NCOA2: variants seen among roughly 807,000 people sequenced by gnomAD.
The protein encoded by NCOA2 is nuclear receptor coactivator 2, also known as class E basic helix-loop-helix protein 75.
NCOA2 carries 21 observed loss-of-function variants against 145.1 expected under a neutral mutation model. That is an observed-to-expected ratio of 0.14 (90% CI 0.10 to 0.21). The LOEUF (loss-of-function observed/expected upper bound fraction) is 0.21, where lower values mean the gene tolerates loss of function less well. NCOA2 is among the 10% of genes least tolerant of loss of function. The pLI is 1.00. For missense variants in NCOA2, 1,472 were observed against 1,837.6 expected, an observed-to-expected ratio of 0.80 and a Z score of 3.64; for synonymous variants, 619 against 637.5, an observed-to-expected ratio of 0.97 and a Z score of 0.44.
chr8:70,203,314 T>C (rs962707192), intron 4 of NCOA2, among the ~76,000 whole-genome samples: 1 of 151,584 alleles, frequency 6.6e-6, no homozygotes, highest in African/African-American at 2.4e-5. Flanking sequence ...AATTTATTAC[T>C]GTATAATCCA....
At chr8:70,253,964 G>A (rs961068991) in intron 2 of NCOA2, among the ~76,000 whole-genome samples, 9 of 152,056 alleles carry the variant, frequency 5.9e-5, no homozygotes, top group African/African-American at 1.7e-4. Context: ...GCAACCCATG[G>A]ACAGGCAAAA....
intron 13 of NCOA2, 87 bp from the exon 14 acceptor site, chr8:70,141,486 A>T (rs891300992): frequency 9.0e-6 from 11 of 1,221,784 alleles, no homozygotes; most frequent in Non-Finnish European, 1.3e-5. Context: ...TACCCTACAA[A>T]ACAATCATTC....
At chr8:70,176,291 T>C (rs1814841271) in intron 4 of NCOA2, among the ~76,000 whole-genome samples, 1 of 152,212 alleles carries the variant, frequency 6.6e-6, no homozygotes, top group African/African-American at 2.4e-5. Flanking sequence ...CTCTAATATA[T>C]TCCTGATTCA....
intron 4 of NCOA2, among the ~76,000 whole-genome samples, chr8:70,199,925 T>C (rs770015216): frequency 1.3e-5 from 2 of 152,228 alleles, no homozygotes; most frequent in South Asian, 2.1e-4. Flanking sequence ...GGGTTCTGCA[T>C]TGGTGGATTC....
At chr8:70,355,989 C>A (rs952539674) in intron 1 of NCOA2, among the ~76,000 whole-genome samples, 1 of 152,116 alleles carries the variant, frequency 6.6e-6, no homozygotes, top group African/African-American at 2.4e-5. Flanking sequence ...TGGTTATCTC[C>A]AGTAGAAGTA....
chr8:70,410,149 G>A, the NCOA2 span, among the ~76,000 whole-genome samples: 1 of 152,140 alleles, frequency 6.6e-6, no homozygotes, highest in Non-Finnish European at 1.5e-5. Context: ...GGCAGAGGTT[G>A]CAGTGAGATG....
chr8:70,175,672 C>T (rs1008364224), intron 4 of NCOA2, among the ~76,000 whole-genome samples: 4 of 152,098 alleles, frequency 2.6e-5, no homozygotes, highest in Non-Finnish European at 4.4e-5. Context: ...TTCAAGAACA[C>T]CAAAAAAAGT....
At chr8:70,447,496 A>C in the NCOA2 span, among the ~76,000 whole-genome samples, 2 of 152,114 alleles carry the variant, frequency 1.3e-5, no homozygotes, top group South Asian at 2.1e-4. Flanking sequence ...TTCGCCATCC[A>C]AGAGATGTGA....
intron 2 of NCOA2, among the ~76,000 whole-genome samples, chr8:70,231,450 G>A (rs1480532913): frequency 6.6e-6 from 1 of 152,166 alleles, no homozygotes; most frequent in African/African-American, 2.4e-5. Context: ...TTCCACTGGT[G>A]GTCTTCATCT....
intron 2 of NCOA2, among the ~76,000 whole-genome samples, chr8:70,252,353 T>C (rs1823261110): frequency 6.6e-6 from 1 of 152,136 alleles, no homozygotes; most frequent in African/African-American, 2.4e-5. Flanking sequence ...GGTCAGAGGA[T>C]CGCTCGAGCC....
chr8:70,332,929 T>C (rs1023452099), intron 1 of NCOA2, among the ~76,000 whole-genome samples: 2 of 152,200 alleles, frequency 1.3e-5, no homozygotes, highest in Admixed American at 6.5e-5. Flanking sequence ...TAGAACTTTA[T>C]AGTCATTAAC....
At chr8:70,440,169 C>T in the NCOA2 span, among the ~76,000 whole-genome samples, 4 of 152,002 alleles carry the variant, frequency 2.6e-5, no homozygotes, top group Admixed American at 6.5e-5. Context: ...CCTGTAGTCT[C>T]GGGAGGCTGA....
At chr8:70,229,783 C>A (rs567474296) in intron 2 of NCOA2, among the ~76,000 whole-genome samples, 115 of 152,276 alleles carry the variant, frequency 7.6e-4, no homozygotes, top group African/African-American at 2.6e-3. Context: ...AAGGAGACTT[C>A]GGAGGTGAAG....
At chr8:70,336,987 T>C (rs1252596555) in intron 1 of NCOA2, among the ~76,000 whole-genome samples, 1 of 151,980 alleles carries the variant, frequency 6.6e-6, no homozygotes, top group Non-Finnish European at 1.5e-5. Flanking sequence ...TCTTCCAAAA[T>C]AGCCAAAAAT....
the NCOA2 span, among the ~76,000 whole-genome samples, chr8:70,420,998 A>C: frequency 6.6e-6 from 1 of 152,186 alleles, no homozygotes; most frequent in Non-Finnish European, 1.5e-5. Context: ...AAAGATTGTA[A>C]GTACTATCTA....
the NCOA2 span, among the ~76,000 whole-genome samples, chr8:70,442,113 A>AAAG: frequency 2.8e-5 from 3 of 107,950 alleles, no homozygotes; most frequent in African/African-American, 8.8e-5. Flanking sequence ...ACAGAGAAAG[A>AAAG]AAGAAGAAAG....
intron 4 of NCOA2, among the ~76,000 whole-genome samples, chr8:70,200,700 C>T (rs1482216196): frequency 3.3e-5 from 5 of 152,102 alleles, no homozygotes; most frequent in Non-Finnish European, 7.4e-5. Context: ...ATTCTACTTA[C>T]ACAAGGTAAC....
At chr8:70,432,114 T>C in the NCOA2 span, among the ~76,000 whole-genome samples, 6 of 152,204 alleles carry the variant, frequency 3.9e-5, no homozygotes, top group Admixed American at 2.0e-4. Context: ...CCTAGATAGG[T>C]ATTTACACTA....
At chr8:70,363,360 G>C (rs1329663865) in intron 1 of NCOA2, among the ~76,000 whole-genome samples, 1 of 150,772 alleles carries the variant, frequency 6.6e-6, no homozygotes. Flanking sequence ...TCCAGCCTGG[G>C]TGACAGAGCT....
Sources: allele counts gnomAD v4.1 joint callset (sites outside exome capture counted in the v4.1 genomes callset), GRCh38; gene constraint gnomAD v4.1.1; transcripts MANE v1.5; gene names NCBI Gene and HGNC (gene_info 2026-07-23, HGNC 2026-07-21).